The following CDK5RAP3 variants were observed in gnomAD, a reference collection of about 807,000 sequenced individuals.
CDK5RAP3 encodes the protein CDK5 regulatory subunit-associated protein 3.
In CDK5RAP3, 58 loss-of-function variants were observed where a neutral mutation model predicts 73.3. The observed-to-expected ratio is 0.79, with a 90% confidence interval of 0.64 to 0.98. The LOEUF (loss-of-function observed/expected upper bound fraction) is 0.98, where lower values mean the gene tolerates loss of function less well. Among genes scored for constraint, CDK5RAP3 ranks in the 50% least tolerant of loss-of-function variants. The probability of loss-of-function intolerance (pLI) is 0.00; values close to 1 mark genes in which losing one functional copy is unlikely to be tolerated. For synonymous variants in CDK5RAP3, 224 were observed against 247.5 expected (o/e 0.91, Z 0.89); for missense variants, 525 against 615.8 (o/e 0.85, Z 1.56).
At chr17:47,977,751 A>T in intron 9 of CDK5RAP3, 81 bp from the exon 10 acceptor site, 1 of 1,206,974 alleles carries the variant, frequency 8.3e-7, no homozygotes, top group Non-Finnish European at 1.2e-6. Flanking sequence ...CATTGACCTC[A>T]TCAAGGGCTT....
chr17:47,971,202 C>T (rs2036253186), intron 1 of CDK5RAP3, 50 bp downstream of exon 1: 3 of 1,530,914 alleles, frequency 2.0e-6, no homozygotes, highest in African/African-American at 1.4e-5. Context: ...GGACCCCTAA[C>T]CTGTGTCTCC....
chr17:47,970,929 A>C (rs985731210), upstream of CDK5RAP3: 1 of 1,450,204 alleles, frequency 6.9e-7, no homozygotes, highest in Non-Finnish European at 9.0e-7. Context: ...GGCTGTCTCC[A>C]TTCTCCCGCC....
At chr17:47,971,523 T>C in intron 2 of CDK5RAP3, 116 bp downstream of exon 2, 1 of 1,019,668 alleles carries the variant, frequency 9.8e-7, no homozygotes, top group Non-Finnish European at 1.4e-6. Flanking sequence ...TGCTGACCAC[T>C]GGCCTCGTTC....
intron 9 of CDK5RAP3, 49 bp downstream of exon 9, chr17:47,976,871 T>C: frequency 3.3e-6 from 4 of 1,210,556 alleles, no homozygotes; most frequent in Non-Finnish European, 4.7e-6. Flanking sequence ...ACTCTAACCA[T>C]AAGAAAAGTG....
chr17:47,974,458 C>T lies in CDK5RAP3; in HGVS notation c.334+10C>T, dbSNP rs2036345388. 6.2e-7 allele frequency: 1 copy of T among 1,614,022 alleles called. No homozygotes were observed. On this transcript the variant is annotated intron_variant, in intron 5 of 13. Transcript: ENST00000338399. ...GACAACACCTACTTAGGTAAAGTGG[C>T]CCGGCCTGGGAGCCCTGGTATCCAT...
At chr17:47,971,777 C>A (rs2036275804) in intron 2 of CDK5RAP3, among the ~76,000 whole-genome samples, 1 of 152,036 alleles carries the variant, frequency 6.6e-6, no homozygotes, top group Non-Finnish European at 1.5e-5. Context: ...CGAGACCAGC[C>A]TGACCAACAT....
Position 47,976,793 on chromosome 17 carries a change from T to C in CDK5RAP3, c.880T>C (p.Trp294Arg), listed in dbSNP as rs2036426678. Residue 294 changes from tryptophan (W) to arginine (R), a missense_variant, in exon 9 of 14, where the codon TGG becomes CGG. Around this residue, in one of 2 missense-constraint regions of CDK5RAP3, gnomAD observed 409 missense variants for 429.8 expected, o/e 0.95. Transcript: ENST00000338399. ...CTCTGCCGAGGCTGCTGGAATCGAC[T>C]GGGGCATCTTCCCGGAATCAGATTC... ...GISAEAAGIDWGIFPESDSKD... is the reference protein window; with the variant it reads ...GISAEAAGIDRGIFPESDSKD... 6.2e-7 allele frequency: 1 copy of C among 1,610,850 alleles called. No homozygotes were observed. Among genetic ancestry groups the C allele is most frequent in the Non-Finnish European group, 8.5e-7 (1 of 1,178,170 alleles).
chr17:47,978,765 C>A, intron 10 of CDK5RAP3, 64 bp from the exon 11 acceptor site: 1 of 1,274,334 alleles, frequency 7.8e-7, no homozygotes. Context: ...GCTTCTCACA[C>A]TTGAGGGTCT....
chr17:47,980,360 CTGGGCTCAAG>C lies in CDK5RAP3; in HGVS notation c.1078-230_1078-221del. On this transcript the variant is annotated intron_variant, in intron 11 of 13. Coordinates refer to ENST00000338399, the MANE Select transcript of CDK5RAP3 (RefSeq NM_176096.3). ...CATAGCTCACTATAACCTCAAACTC[CTGGGCTCAAG>C]TGATCCTCCCGCCTCAGCCTCCTGA... 5.7e-6 allele frequency: 3 copies of C among 530,078 alleles called. 1 individual carries two copies. The South Asian group carries it at 5.9e-5, about 11-fold the overall frequency. 32.8% of individuals were successfully genotyped at this position (530,078 alleles called of 1,614,324 possible). A position where few individuals can be genotyped will look rare whatever the true frequency, so the allele number is the denominator to read the frequency against.
At chr17:47,971,086 T>G, upstream of CDK5RAP3, 1 of 1,551,378 alleles carries the variant, frequency 6.4e-7, no homozygotes, top group South Asian at 1.2e-5. Flanking sequence ...ACAACGCCAC[T>G]GGATTGGTGG....
upstream of CDK5RAP3, chr17:47,970,550 T>C (rs993864920): frequency 3.3e-6 from 3 of 913,984 alleles, no homozygotes. Flanking sequence ...GGTGTTCTCT[T>C]TGGGACGTCT....
intron 11 of CDK5RAP3, chr17:47,979,882 A>G (rs1018730729): frequency 1.3e-5 from 2 of 152,334 alleles, no homozygotes; most frequent in Admixed American, 6.5e-5. Flanking sequence ...ACGGCAGAAT[A>G]GGATTGATAA....
chr17:47,971,484 G>C (rs1175323761), intron 2 of CDK5RAP3, 77 bp downstream of exon 2: 23 of 1,389,900 alleles, frequency 1.7e-5, no homozygotes, highest in Admixed American at 7.3e-5. Context: ...ATAGCCGGGA[G>C]CTCTGACCCC....
At chr17:47,970,989 T>C (rs2036244663), upstream of CDK5RAP3, 1 of 1,483,560 alleles carries the variant, frequency 6.7e-7, no homozygotes, top group Admixed American at 2.3e-5. Context: ...GCTTGAGGCC[T>C]GAGTGGAGCG....
At chr17:47,970,893 C>T (rs2036243048), upstream of CDK5RAP3, 15 of 1,439,348 alleles carry the variant, frequency 1.0e-5, no homozygotes, top group South Asian at 2.1e-4. Flanking sequence ...CGTCCCCTGC[C>T]CTGAGCCCGC....
At chr17:47,972,504 A>G (rs2036293271) in intron 2 of CDK5RAP3, among the ~76,000 whole-genome samples, 1 of 152,098 alleles carries the variant, frequency 6.6e-6, no homozygotes, top group Non-Finnish European at 1.5e-5. Context: ...TTCTGAATTC[A>G]CCACTCTGTA....
chr17:47,975,177 T>C lies in CDK5RAP3; in HGVS notation c.353T>C (p.Leu118Pro). The C allele has an allele frequency of 2.5e-6, 4 of 1,614,170 alleles. No homozygotes were observed. Among genetic ancestry groups the C allele is most frequent in the Non-Finnish European group, 3.4e-6 (4 of 1,180,028 alleles). ...TTCTCAGTGGAACTCTCTAGCCTCC[T>C]GGTTCGGAATGTCAACTATGAGATC... ...NTYLVELSSL[L>P]VRNVNYEIPS... The change falls in exon 6 of 14, where the codon CTG (leucine) becomes CCG (proline). Residue 118 changes from leucine to proline, a missense_variant. This residue lies in a region of CDK5RAP3 where 409 missense variants were observed against 429.8 expected (regional missense o/e 0.95). Transcript: ENST00000338399.
chr17:47,969,919 A>G (rs1567721111), upstream of CDK5RAP3, among the ~76,000 whole-genome samples: 1 of 151,862 alleles, frequency 6.6e-6, no homozygotes, highest in African/African-American at 2.4e-5. Flanking sequence ...CCACCTAATC[A>G]CCTAGGTGTC....
chr17:47,975,448 T>G (rs2036380304), intron 6 of CDK5RAP3, 66 bp from the exon 7 acceptor site: 2 of 1,609,250 alleles, frequency 1.2e-6, no homozygotes, highest in East Asian at 2.2e-5. Flanking sequence ...GCCAGTGTCT[T>G]ACTTTTCTTC....
Sources: gnomAD v4.1 joint callset for allele counts (sites outside exome capture counted in the v4.1 genomes callset) on GRCh38, gnomAD v4.1.1 for gene constraint, gnomAD v4.1.1 regional missense constraint, MANE v1.5 for transcripts, NCBI Gene and HGNC (gene_info 2026-07-23, HGNC 2026-07-21) for gene names.